VWC2: variants seen among roughly 807,000 people sequenced by gnomAD.
VWC2 encodes brorin.
In VWC2, 14 loss-of-function variants were observed where a neutral mutation model predicts 29.8. The observed-to-expected ratio is 0.47, with a 90% CI of 0.31 to 0.74. VWC2 has a LOEUF of 0.74. VWC2 is among the 30% of genes least tolerant of loss of function. The pLI, the probability that VWC2 is intolerant of heterozygous loss-of-function variation, is 0.05. For missense variants in VWC2, 457 were observed against 459.8 expected, an observed-to-expected ratio of 0.99 and a Z score of 0.05; for synonymous variants, 213 against 199.0, an observed-to-expected ratio of 1.07 and a Z score of -0.59.
intron 1 of VWC2, among the ~76,000 whole-genome samples, chr7:49,774,561 T>G (rs1251280640): frequency 1.3e-5 from 2 of 152,150 alleles, no homozygotes; most frequent in African/African-American, 4.8e-5. Flanking sequence ...CTGCACACCT[T>G]GGTGCTGCCC....
intron 2 of VWC2, among the ~76,000 whole-genome samples, chr7:49,790,855 G>A (rs1309058219): frequency 6.6e-6 from 1 of 152,022 alleles, no homozygotes; most frequent in African/African-American, 2.4e-5. Flanking sequence ...GAGAGGTTTA[G>A]TTCCAGGTGA....
rs1189707743 is a variant in VWC2 at position 49,912,870 on chromosome 7, A to C, written c.*685A>C. On this transcript the variant is annotated 3_prime_UTR_variant, in exon 4 of 4. Coordinates refer to ENST00000340652, the MANE Select transcript of VWC2 (RefSeq NM_198570.5). ...GCTCCTGTATTGTACACCATAGGTA[A>C]GCACATACATATATTTCATTCTTAT... is the stretch of plus-strand genomic sequence containing the variant. 1.3e-5 allele frequency: 2 copies of C among 152,182 alleles called. No individual in the cohort carries two copies. The highest frequency in any genetic ancestry group is 3.8e-4 in the East Asian group (2 of 5,204). The allele number at this position is 152,182 out of a possible 1,614,324, so 9.4% of individuals were successfully genotyped here.
At chr7:49,849,228 A>C (rs1333699065) in intron 3 of VWC2, among the ~76,000 whole-genome samples, 1 of 152,212 alleles carries the variant, frequency 6.6e-6, no homozygotes, top group Non-Finnish European at 1.5e-5. Flanking sequence ...CCATCTCTTT[A>C]TCACAAAATG....
At position 49,920,916 on chromosome 7, in the gene VWC2, T is replaced by C. The variant is rs1793990010; in HGVS notation, c.*8731T>C. The C allele has an allele frequency of 6.6e-6, 1 of 152,232 alleles. No individual in the cohort carries two copies. Among genetic ancestry groups the C allele is most frequent in the Non-Finnish European group, 1.5e-5 (1 of 68,044 alleles). 9.4% of individuals were successfully genotyped at this position (152,232 alleles called of 1,614,324 possible). A position where few individuals can be genotyped will look rare whatever the true frequency, so the allele number is the denominator to read the frequency against. On this transcript the variant is annotated 3_prime_UTR_variant, in exon 4 of 4. Coordinates refer to ENST00000340652, the MANE Select transcript of VWC2 (RefSeq NM_198570.5). ...GTTATAGGGGAAATGTACTAAAATG[T>C]TGTACTTATTACATTTATGAATTTC...
Position 49,862,797 on chromosome 7 carries a change from C to T in VWC2, c.827-49237C>T, listed in dbSNP as rs376218383. 2.6e-5 allele frequency among the ~76,000 whole-genome samples: 4 copies of T among 151,898 alleles called. No individual in the cohort carries two copies. The East Asian group carries it at 5.8e-4, about 22-fold the overall frequency. ...CATTAATTTTTGTAGGTTGAATCAC[C>T]CTTACATTCAAGGAATAAATCCCAT... is the stretch of plus-strand genomic sequence containing the variant. On this transcript the variant is annotated intron_variant, in intron 3 of 3. Coordinates refer to ENST00000340652, the MANE Select transcript of VWC2 (RefSeq NM_198570.5).
chr7:49,812,017 C>T (rs1789022093), intron 3 of VWC2, among the ~76,000 whole-genome samples: 1 of 152,136 alleles, frequency 6.6e-6, no homozygotes, highest in Admixed American at 6.5e-5. Context: ...ACTAATGATA[C>T]TACAACATGG....
At chr7:49,843,046 C>G (rs995382850) in intron 3 of VWC2, among the ~76,000 whole-genome samples, 1 of 152,126 alleles carries the variant, frequency 6.6e-6, no homozygotes, top group Non-Finnish European at 1.5e-5. Context: ...TTTTCCCCTT[C>G]CCTTTCCCCG....
intron 3 of VWC2, among the ~76,000 whole-genome samples, chr7:49,886,682 TAC>T (rs1481760522): frequency 6.6e-6 from 1 of 152,178 alleles, no homozygotes; most frequent in Non-Finnish European, 1.5e-5. Context: ...GGGTTTGTTG[TAC>T]AGATTATTTT....
rs1309058192 is a variant in VWC2 at position 49,912,752 on chromosome 7, T to C, written c.*567T>C. 6.6e-6 allele frequency: 1 copy of C among 152,560 alleles called. No individual in the cohort carries two copies. The highest frequency in any genetic ancestry group is 2.4e-5 in the African/African-American group (1 of 41,466). 9.5% of individuals were successfully genotyped at this position (152,560 alleles called of 1,614,324 possible). ...ACATAAATATATTTCCTTTTTATAA[T>C]AATATATGGCTTTTATCTGCTTCAT... On this transcript the variant is annotated 3_prime_UTR_variant, in exon 4 of 4. Transcript: ENST00000340652.
At chr7:49,898,918 AAGTT>A (rs1792549098) in intron 3 of VWC2, among the ~76,000 whole-genome samples, 1 of 152,242 alleles carries the variant, frequency 6.6e-6, no homozygotes, top group African/African-American at 2.4e-5. Context: ...AAGCATAAAA[AAGTT>A]GAAGACAAAA....
At chr7:49,866,163 C>G (rs886106816) in intron 3 of VWC2, among the ~76,000 whole-genome samples, 2 of 152,190 alleles carry the variant, frequency 1.3e-5, no homozygotes, top group African/African-American at 4.8e-5. Context: ...ACAATTCCTT[C>G]TTTGGATTGT....
rs1262008365 is a variant in VWC2, at chr7:49,775,784, A to G, written c.349A>G (p.Thr117Ala). 6.6e-7 allele frequency: 1 copy of G among 1,523,358 alleles called. No individual in the cohort carries two copies. Among genetic ancestry groups the G allele is most frequent in the Admixed American group, 2.1e-5 (1 of 48,590 alleles). 94.4% of individuals were successfully genotyped at this position (1,523,358 alleles called of 1,614,324 possible). ...GDLQVRPRGDTPQAEALAAAA... is the reference protein window; with the variant it reads ...GDLQVRPRGDAPQAEALAAAA... ...TCTGCAGGTCCGGCCCCGCGGGGACACCCCGCAGGCGGAAGCCCTGGCCGC... is the reference window on the plus strand; with the variant it reads ...TCTGCAGGTCCGGCCCCGCGGGGACGCCCCGCAGGCGGAAGCCCTGGCCGC... Residue 117 changes from threonine (T) to alanine (A), a missense_variant, in exon 2 of 4, where the codon ACC becomes GCC. Transcript: ENST00000340652.
chr7:49,896,238 G>A (rs1044325448), intron 3 of VWC2, among the ~76,000 whole-genome samples: 14 of 152,166 alleles, frequency 9.2e-5, no homozygotes, highest in Non-Finnish European at 1.6e-4. Flanking sequence ...CTACTCAGGA[G>A]GCTGAGGCAC....
At chr7:49,839,969 GT>G (rs1789756343) in intron 3 of VWC2, among the ~76,000 whole-genome samples, 1 of 152,222 alleles carries the variant, frequency 6.6e-6, no homozygotes, top group Admixed American at 6.5e-5. Context: ...AGTCAAAGCT[GT>G]GGCGAGGGCC....
At chr7:49,823,293 C>G (rs1388897037) in intron 3 of VWC2, among the ~76,000 whole-genome samples, 1 of 152,140 alleles carries the variant, frequency 6.6e-6, no homozygotes, top group Non-Finnish European at 1.5e-5. Flanking sequence ...TGGGCTGCAT[C>G]CAGGGACAGG....
At chr7:49,779,111 C>A (rs1015025931) in intron 2 of VWC2, among the ~76,000 whole-genome samples, 1 of 152,082 alleles carries the variant, frequency 6.6e-6, no homozygotes, top group Non-Finnish European at 1.5e-5. Context: ...AGGCTTGACC[C>A]TCTTTGAGCA....
rs183674621 is a variant in VWC2 at position 49,787,684 on chromosome 7, G to C, written c.696+11553G>C. On this transcript the variant is annotated intron_variant, in intron 2 of 3. Transcript: ENST00000340652. ...GTCACACACACAAATGTCATGAGTG[G>C]GTAGGTTGAAAAAGAATATGGCTTT... Among the ~76,000 whole-genome samples, 31 of 152,310 alleles carry C rather than the reference G, an allele frequency of 2.0e-4. No individual in the cohort carries two copies. In the East Asian group the frequency reaches 6.0e-3, roughly 29 times the overall value.
intron 3 of VWC2, among the ~76,000 whole-genome samples, chr7:49,803,722 G>T (rs187213317): frequency 1.6e-4 from 24 of 152,328 alleles, no homozygotes; most frequent in Admixed American, 1.2e-3. Flanking sequence ...TGTGGCATGG[G>T]TTTGGTATGT....
At chr7:49,797,159 T>G (rs1788610699) in intron 2 of VWC2, among the ~76,000 whole-genome samples, 1 of 152,262 alleles carries the variant, frequency 6.6e-6, no homozygotes, top group Non-Finnish European at 1.5e-5. Context: ...ATAAAGCCTC[T>G]GCTATGCATG....
Sources: allele counts gnomAD v4.1 joint callset (sites outside exome capture counted in the v4.1 genomes callset), GRCh38; gene constraint gnomAD v4.1.1; transcripts MANE v1.5; gene names NCBI Gene and HGNC (gene_info 2026-07-23, HGNC 2026-07-21).